The following RDH11 variants were observed in gnomAD, a reference collection of about 807,000 sequenced individuals.
RDH11 encodes the protein retinol dehydrogenase 11, also known as HCV core-binding protein HCBP12.
A neutral mutation model predicts 33.4 loss-of-function variants in RDH11; 19 were observed. That is an observed-to-expected ratio of 0.57 (90% CI 0.40 to 0.83). The LOEUF is 0.83. RDH11 is among the 40% of genes least tolerant of loss of function. The probability of loss-of-function intolerance (pLI) is 0.00; values close to 1 mark genes in which losing one functional copy is unlikely to be tolerated. For missense variants in RDH11, 353 were observed against 389.0 expected, an observed-to-expected ratio of 0.91 and a Z score of 0.78; for synonymous variants, 154 against 155.3, an observed-to-expected ratio of 0.99 and a Z score of 0.06.
At chr14:67,680,342 C>T (rs942008562) in intron 6 of RDH11, among the ~76,000 whole-genome samples, 1 of 152,188 alleles carries the variant, frequency 6.6e-6, no homozygotes, top group African/African-American at 2.4e-5. Context: ...CCTTTGTAAG[C>T]CTCTGCATCC....
Position 67,687,799 on chromosome 14 carries a change from G to A in RDH11, c.664+2413C>T, listed in dbSNP as rs557041057. 7.4e-5 allele frequency among the ~76,000 whole-genome samples: 10 copies of A among 134,608 alleles called. 1 individual carries two copies. The highest frequency in any genetic ancestry group is 2.3e-4 in the Admixed American group (3 of 13,034). The allele number at this position is 134,608 out of a possible 152,430, so 88.3% of individuals were successfully genotyped here. ...TTTTTTTTTCATTTTTTCAGACAGA[G>A]TTTTACTCGTGACGCCCAGGCTGGA... On this transcript the variant is annotated intron_variant, in intron 5 of 6. Transcript: ENST00000381346.
chr14:67,681,562 A>G (rs1278536009), intron 6 of RDH11, among the ~76,000 whole-genome samples: 1 of 152,156 alleles, frequency 6.6e-6, no homozygotes, highest in African/African-American at 2.4e-5. Flanking sequence ...GAGGGGGATC[A>G]CTTGAAGTCA....
intron 5 of RDH11, among the ~76,000 whole-genome samples, chr14:67,688,904 C>A (rs1320565977): frequency 6.6e-6 from 1 of 152,202 alleles, no homozygotes; most frequent in African/African-American, 2.4e-5. Flanking sequence ...TGTCCCCTAA[C>A]CCAGTGCACG....
chr14:67,691,786 T>G (rs764731251), intron 3 of RDH11: 2 of 154,942 alleles, frequency 1.3e-5, no homozygotes, highest in Admixed American at 1.3e-4. Context: ...GATATGCCTA[T>G]AGAGTGCTCT....
At chr14:67,684,872 C>A (rs1313205512) in intron 6 of RDH11, 143 bp downstream of exon 6, 2 of 543,478 alleles carry the variant, frequency 3.7e-6, no homozygotes, top group Non-Finnish European at 3.1e-6. Context: ...GTCAAATTCC[C>A]CTACTAAAAG....
At chr14:67,690,164 C>A in intron 5 of RDH11, 48 bp downstream of exon 5, 20 of 1,546,388 alleles carry the variant, frequency 1.3e-5, no homozygotes, top group Non-Finnish European at 1.7e-5. Context: ...TGGCTTTTAC[C>A]TGCCTCTCTC....
At chr14:67,686,024 T>C (rs1470183437) in intron 5 of RDH11, 1 of 152,220 alleles carries the variant, frequency 6.6e-6, no homozygotes, top group Non-Finnish European at 1.5e-5. Context: ...TACACAAACA[T>C]TAAATGTTGG....
rs2037557695 is a variant in RDH11, at chr14:67,677,518, G to A, written c.*803C>T. ...TAACTAGTTAATCCTTAAAGGGCTA[G>A]TTAATCCTTAACTAGTCCCTTCATT... On this transcript the variant is annotated 3_prime_UTR_variant, in exon 7 of 7. Transcript: ENST00000381346. 6.6e-6 allele frequency: 1 copy of A among 151,674 alleles called. No homozygotes were observed. The highest frequency in any genetic ancestry group is 1.5e-5 in the Non-Finnish European group (1 of 67,978). 9.4% of individuals were successfully genotyped at this position (151,674 alleles called of 1,614,324 possible). A position where few individuals can be genotyped will look rare whatever the true frequency, so the allele number is the denominator to read the frequency against.
chr14:67,690,452 C>T, intron 4 of RDH11, 31 bp from the exon 5 acceptor site: 1 of 1,593,704 alleles, frequency 6.3e-7, no homozygotes, highest in Non-Finnish European at 8.6e-7. Context: ...TAATGAAGTT[C>T]AGGGCCATGT....
At chr14:67,682,473 G>C (rs763397838) in intron 6 of RDH11, among the ~76,000 whole-genome samples, 2 of 152,002 alleles carry the variant, frequency 1.3e-5, no homozygotes, top group Non-Finnish European at 2.9e-5. Flanking sequence ...CCCCAACAAA[G>C]AAACAAATGA....
rs1460670125 is a variant in RDH11, at chr14:67,695,760, G to A, written c.-57C>T. 4.6e-6 allele frequency: 7 copies of A among 1,536,928 alleles called. No individual in the cohort carries two copies. The highest frequency in any genetic ancestry group is 6.3e-6 in the Non-Finnish European group (7 of 1,114,474). On this transcript the variant is annotated 5_prime_UTR_variant, in exon 1 of 7. Coordinates refer to ENST00000381346, the MANE Select transcript of RDH11 (RefSeq NM_016026.4). Reference sequence around the variant, plus strand: ...TGCTCCAGCGTTGCTCGCCGACTATGGCTTCTCTTTCTAGACACGCCCCAA... The same window carrying A: ...TGCTCCAGCGTTGCTCGCCGACTATAGCTTCTCTTTCTAGACACGCCCCAA...
Position 67,692,885 on chromosome 14 carries a change from A to C in RDH11, c.193+49T>G, listed in dbSNP as rs146406542. 17 of 1,227,682 alleles carry C rather than the reference A, an allele frequency of 1.4e-5. No individual in the cohort carries two copies. In the East Asian group the frequency reaches 3.9e-4, roughly 28 times the overall value. 76.0% of individuals were successfully genotyped at this position (1,227,682 alleles called of 1,614,324 possible). On this transcript the variant is annotated intron_variant, in intron 2 of 6. Transcript: ENST00000381346. ...ATGAGAATGAATCATCATTACTGTG[A>C]GGGGTAAAACAGCAGTAATAGGAGG...
chr14:67,695,088 T>A (rs540327314), intron 1 of RDH11, among the ~76,000 whole-genome samples: 2 of 152,240 alleles, frequency 1.3e-5, no homozygotes, highest in Admixed American at 6.5e-5. Context: ...AGGATAGAGC[T>A]CATAACCAAA....
intron 6 of RDH11, among the ~76,000 whole-genome samples, chr14:67,683,109 A>G (rs61990159): frequency 0.087 from 13,276 of 152,228 alleles, 856 homozygotes; most frequent in Non-Finnish European, 0.13. Context: ...GCTTCAATCA[A>G]AAGACTTTTA....
At chr14:67,679,490 G>A (rs1594846906) in intron 6 of RDH11, among the ~76,000 whole-genome samples, 1 of 148,304 alleles carries the variant, frequency 6.7e-6, no homozygotes, top group Non-Finnish European at 1.5e-5. Context: ...TGCAACCTCC[G>A]CCTCCCAGGT....
chr14:67,695,750 C>A lies in RDH11; in HGVS notation c.-47G>T, dbSNP rs779023526. 2.5e-6 allele frequency: 4 copies of A among 1,570,096 alleles called. No homozygotes were observed. The highest frequency in any genetic ancestry group is 1.1e-5 in the South Asian group (1 of 89,550). Reference sequence around the variant, plus strand: ...CAGAGCGGGATGCTCCAGCGTTGCTCGCCGACTATGGCTTCTCTTTCTAGA... The same window carrying A: ...CAGAGCGGGATGCTCCAGCGTTGCTAGCCGACTATGGCTTCTCTTTCTAGA... On this transcript the variant is annotated 5_prime_UTR_variant, in exon 1 of 7. Transcript: ENST00000381346.
chr14:67,685,237 C>T (rs1271518588), intron 5 of RDH11, 33 bp from the exon 6 acceptor site: 4 of 1,579,368 alleles, frequency 2.5e-6, no homozygotes, highest in Non-Finnish European at 3.4e-6. Context: ...GAGGGTAAGA[C>T]AGGACTTGAT....
intron 2 of RDH11, 85 bp downstream of exon 2, chr14:67,692,849 G>T: frequency 1.9e-6 from 2 of 1,078,218 alleles, no homozygotes; most frequent in Non-Finnish European, 2.8e-6. Flanking sequence ...TTCCAAAACT[G>T]GGAAGAAACA....
At chr14:67,694,824 G>A (rs2037808483) in intron 1 of RDH11, among the ~76,000 whole-genome samples, 1 of 152,110 alleles carries the variant, frequency 6.6e-6, no homozygotes, top group Non-Finnish European at 1.5e-5. Context: ...AGTTCTATTG[G>A]GACTAAGACC....
Sources: allele counts gnomAD v4.1 joint callset (sites outside exome capture counted in the v4.1 genomes callset), GRCh38; gene constraint gnomAD v4.1.1; transcripts MANE v1.5; gene names NCBI Gene and HGNC (gene_info 2026-07-23, HGNC 2026-07-21).